LZTFL1: variants seen among roughly 807,000 people sequenced by gnomAD.
The protein encoded by LZTFL1 is leucine zipper transcription factor-like protein 1.
A neutral mutation model predicts 45.9 loss-of-function variants in LZTFL1; 25 were observed. That is an observed-to-expected ratio of 0.54 (90% CI 0.40 to 0.76). The LOEUF (loss-of-function observed/expected upper bound fraction) is 0.76. Ranked by LOEUF, LZTFL1 falls within the 30% of genes least tolerant of loss-of-function variation. The pLI is 0.00. For missense variants in LZTFL1, 277 were observed against 331.1 expected (o/e 0.84, Z 1.27); for synonymous variants, 93 against 117.4 (o/e 0.79, Z 1.35).
At chr3:45,867,919 T>C (rs1406627413) in intron 2 of LZTFL1, among the ~76,000 whole-genome samples, 3 of 152,060 alleles carry the variant, frequency 2.0e-5, no homozygotes, top group Admixed American at 2.0e-4. Flanking sequence ...ATGGGTTCCA[T>C]GTTCTGTCTC....
intron 2 of LZTFL1, among the ~76,000 whole-genome samples, chr3:45,911,499 C>A (rs1163188946): frequency 6.6e-6 from 1 of 152,260 alleles, no homozygotes; most frequent in African/African-American, 2.4e-5. Context: ...GGATCCACGT[C>A]TTTCTGATTC....
chr3:45,894,717 C>A (rs1702295985), intron 2 of LZTFL1, among the ~76,000 whole-genome samples: 2 of 152,134 alleles, frequency 1.3e-5, no homozygotes, highest in African/African-American at 2.4e-5. Flanking sequence ...AGGAGAGGTT[C>A]ATTCATTTCT....
rs530249023 is a variant in LZTFL1, at chr3:45,837,005, C to T, written c.128+922G>A. Among the ~76,000 whole-genome samples the T allele has an allele frequency of 7.2e-5, 11 of 152,242 alleles. No homozygotes were observed. The Middle Eastern group carries it at 0.017, about 235-fold the overall frequency. ...TTCTCAGCAGATGAAGAGCAGCTACCGCAACCTCAGCTTTATTTTCTTCCC... is the reference window on the plus strand; with the variant it reads ...TTCTCAGCAGATGAAGAGCAGCTACTGCAACCTCAGCTTTATTTTCTTCCC... On this transcript the variant is annotated intron_variant, in intron 2 of 9. Transcript: ENST00000296135.
chr3:45,912,319 T>A (rs1702810190), intron 2 of LZTFL1, among the ~76,000 whole-genome samples: 1 of 152,166 alleles, frequency 6.6e-6, no homozygotes, highest in South Asian at 2.1e-4. Context: ...GGTAGAAATA[T>A]TACAAAAATG....
At chr3:45,886,504 G>C (rs1489780937) in intron 2 of LZTFL1, 3 of 152,352 alleles carry the variant, frequency 2.0e-5, no homozygotes, top group Admixed American at 6.5e-5. Context: ...GGGTGGCCTG[G>C]CTTCCTTTCT....
chr3:45,897,733 G>A (rs1702403696), intron 2 of LZTFL1: 1 of 722,684 alleles, frequency 1.4e-6, no homozygotes, highest in East Asian at 3.0e-5. Context: ...CTTCTGCCAA[G>A]CATGCCCTCT....
intron 1 of LZTFL1, among the ~76,000 whole-genome samples, chr3:45,913,587 CA>C (rs1195901442): frequency 6.6e-6 from 1 of 152,086 alleles, no homozygotes; most frequent in East Asian, 1.9e-4. Context: ...TCATGTAATA[CA>C]AAAATATCTG....
chr3:45,858,052 A>C (rs1701422241), intron 3 of LZTFL1, among the ~76,000 whole-genome samples: 1 of 152,212 alleles, frequency 6.6e-6, no homozygotes, highest in African/African-American at 2.4e-5. Context: ...AAATGTATTA[A>C]ATCAATTTAC....
intron 5 of LZTFL1, 64 bp downstream of exon 5, chr3:45,832,986 C>T: frequency 8.0e-7 from 1 of 1,245,094 alleles, no homozygotes. Context: ...ACTTCTGTTT[C>T]TCCACCCTAG....
chr3:45,904,114 T>A (rs1184108150), intron 2 of LZTFL1, among the ~76,000 whole-genome samples: 1 of 152,184 alleles, frequency 6.6e-6, no homozygotes, highest in African/African-American at 2.4e-5. Flanking sequence ...GCAAGTAGCT[T>A]TGTGTGGACC....
chr3:45,854,651 C>A, intron 4 of LZTFL1: 1 of 174,278 alleles, frequency 5.7e-6, no homozygotes, highest in Middle Eastern at 2.5e-3. Context: ...CAGGTATTCT[C>A]CAAGTGGGAT....
At chr3:45,897,576 G>A (rs901725432) in intron 2 of LZTFL1, 12 of 1,535,266 alleles carry the variant, frequency 7.8e-6, no homozygotes, top group East Asian at 7.3e-5. Context: ...TCCAGGCCCC[G>A]CTCCAGATCA....
intron 4 of LZTFL1, chr3:45,854,884 C>T: frequency 1.3e-6 from 1 of 758,196 alleles, no homozygotes; most frequent in South Asian, 2.0e-5. Context: ...CTAAGAGCTA[C>T]TCTCCTTGTC....
At chr3:45,881,142 C>A in intron 2 of LZTFL1, among the ~76,000 whole-genome samples, 1 of 152,220 alleles carries the variant, frequency 6.6e-6, no homozygotes, top group African/African-American at 2.4e-5. Context: ...TTGAGGATGA[C>A]ACATATTTCC....
chr3:45,848,461 A>G (rs1271568750), intron 4 of LZTFL1, among the ~76,000 whole-genome samples: 1 of 152,234 alleles, frequency 6.6e-6, no homozygotes, highest in Non-Finnish European at 1.5e-5. Context: ...GTATTGCGCT[A>G]CACACAAAAT....
intron 2 of LZTFL1, among the ~76,000 whole-genome samples, chr3:45,910,185 G>GA (rs1702765483): frequency 6.6e-6 from 1 of 152,162 alleles, no homozygotes; most frequent in South Asian, 2.1e-4. Context: ...GGGGTTAGGG[G>GA]TGGTGCAAGG....
chr3:45,845,365 C>T (rs532500240), upstream of LZTFL1, among the ~76,000 whole-genome samples: 2 of 152,014 alleles, frequency 1.3e-5, no homozygotes, highest in Non-Finnish European at 2.9e-5. Flanking sequence ...AGAGAGGGTG[C>T]GAGATAGTTC....
chr3:45,842,516 G>A (rs1575264503), upstream of LZTFL1, among the ~76,000 whole-genome samples: 1 of 152,102 alleles, frequency 6.6e-6, no homozygotes, highest in African/African-American at 2.4e-5. Context: ...GAGCATCAGG[G>A]TGGCTGAGAC....
intron 1 of LZTFL1, among the ~76,000 whole-genome samples, chr3:45,914,466 G>T (rs925242205): frequency 2.0e-5 from 3 of 152,014 alleles, no homozygotes; most frequent in Non-Finnish European, 4.4e-5. Context: ...TAGAGACGGG[G>T]TCTCCCTATG....
Sources: allele counts gnomAD v4.1 joint callset (sites outside exome capture counted in the v4.1 genomes callset), GRCh38; gene constraint gnomAD v4.1.1; transcripts MANE v1.5; gene names NCBI Gene and HGNC (gene_info 2026-07-23, HGNC 2026-07-21).